SEC31A: variants seen among roughly 807,000 people sequenced by gnomAD.
SEC31A encodes SEC31 homolog A, COPII component, also known as protein transport protein Sec31A.
Under a neutral mutation model 151.0 loss-of-function variants are expected in SEC31A, and 70 were observed. That is an observed-to-expected ratio of 0.46 (90% CI 0.38 to 0.57). SEC31A has a LOEUF of 0.57. SEC31A is among the 20% of genes least tolerant of loss of function. SEC31A has a pLI of 0.00. For synonymous variants in SEC31A, 475 were observed against 505.9 expected, an observed-to-expected ratio of 0.94 and a Z score of 0.82; for missense variants, 1,330 against 1,471.2, an observed-to-expected ratio of 0.90 and a Z score of 1.57.
At chr4:82,832,438 C>T (rs1339178129) in intron 22 of SEC31A, among the ~76,000 whole-genome samples, 1 of 152,148 alleles carries the variant, frequency 6.6e-6, no homozygotes, top group Non-Finnish European at 1.5e-5. Context: ...AAATGTAAGA[C>T]CTAGGACCAT....
intron 5 of SEC31A, 76 bp from the exon 6 acceptor site, chr4:82,874,827 T>C: frequency 2.0e-6 from 3 of 1,527,236 alleles, no homozygotes; most frequent in East Asian, 4.6e-5. Context: ...ATTGGATCCT[T>C]CATTTTGAAA....
chr4:82,880,954 C>T (rs1275766974), intron 2 of SEC31A, 32 bp from the exon 3 acceptor site: 3 of 1,551,148 alleles, frequency 1.9e-6, no homozygotes, highest in East Asian at 2.3e-5. Flanking sequence ...TAACTATACA[C>T]ACAAAAATAA....
At chr4:82,857,174 T>C (rs775300861) in intron 15 of SEC31A, 44 bp from the exon 16 acceptor site, 1 of 1,557,480 alleles carries the variant, frequency 6.4e-7, no homozygotes, top group South Asian at 1.2e-5. Flanking sequence ...AGAGTTTTTG[T>C]TACCAAAACC....
chr4:82,821,703 G>A (rs1030950644), intron 25 of SEC31A, among the ~76,000 whole-genome samples: 2 of 152,050 alleles, frequency 1.3e-5, no homozygotes, highest in African/African-American at 4.8e-5. Context: ...CATATGAACT[G>A]CAAACTCACT....
chr4:82,874,953 C>G (rs531798771), intron 5 of SEC31A, among the ~76,000 whole-genome samples: 1 of 152,298 alleles, frequency 6.6e-6, no homozygotes, highest in Non-Finnish European at 1.5e-5. Flanking sequence ...CATACCACTT[C>G]AAGTGTATTA....
At chr4:82,843,678 T>TA (rs913315985) in intron 21 of SEC31A, 14 of 152,050 alleles carry the variant, frequency 9.2e-5, no homozygotes, top group African/African-American at 2.4e-4. Context: ...TTTTATTTTT[T>TA]TTTTTTGCAT....
intron 13 of SEC31A, among the ~76,000 whole-genome samples, chr4:82,862,195 G>A (rs535753540): frequency 1.3e-4 from 19 of 145,988 alleles, no homozygotes; most frequent in African/African-American, 4.8e-4. Flanking sequence ...TTACAGGCAT[G>A]AGCCAACACA....
At chr4:82,842,602 C>T (rs2149246525) in intron 21 of SEC31A, 121 bp from the exon 22 acceptor site, 1 of 789,762 alleles carries the variant, frequency 1.3e-6, no homozygotes, top group East Asian at 2.7e-5. Context: ...GTTACAATCC[C>T]AAATTAAAAA....
At chr4:82,857,319 C>T (rs937180769) in intron 15 of SEC31A, among the ~76,000 whole-genome samples, 189 bp from the exon 16 acceptor site, 2 of 149,314 alleles carry the variant, frequency 1.3e-5, no homozygotes, top group African/African-American at 4.9e-5. Context: ...CAGAAATATG[C>T]TGAGATAAAT....
chr4:82,891,731 A>G (rs1273017136), upstream of SEC31A, among the ~76,000 whole-genome samples: 2 of 2,750 alleles, frequency 7.3e-4, no homozygotes, highest in Non-Finnish European at 0.011. Context: ...TGTTATATTA[A>G]TTCCAATTAG....
chr4:82,820,422 A>G (rs1723081048), intron 26 of SEC31A, among the ~76,000 whole-genome samples: 1 of 152,218 alleles, frequency 6.6e-6, no homozygotes. Context: ...TGGAAAAAAT[A>G]AAAAGAAAGT....
chr4:82,849,681 T>C (rs1161109712), intron 19 of SEC31A, among the ~76,000 whole-genome samples: 1 of 150,914 alleles, frequency 6.6e-6, no homozygotes, highest in Non-Finnish European at 1.5e-5. Context: ...AAGGTGGTTA[T>C]TGAAGAAAAT....
Position 82,821,270 on chromosome 4 carries a change from C to T in SEC31A, c.3412-162G>A, listed in dbSNP as rs535846281. 81 of 602,582 alleles carry T rather than the reference C, an allele frequency of 1.3e-4. 1 individual carries two copies. Among genetic ancestry groups the T allele is most frequent in the Non-Finnish European group, 1.9e-4 (65 of 344,442 alleles). 37.3% of individuals were successfully genotyped at this position (602,582 alleles called of 1,614,324 possible). ...CTAAGAAACTTGAACAGATTATGGC[C>T]GGGCGTGGTGGCTCACGCCTGTAAT... On this transcript the variant is annotated intron_variant, in intron 25 of 26. Coordinates refer to ENST00000395310, the MANE Select transcript of SEC31A (RefSeq NM_001077207.4).
chr4:82,887,780 C>T (rs1044158764), intron 1 of SEC31A, among the ~76,000 whole-genome samples: 3 of 152,182 alleles, frequency 2.0e-5, no homozygotes, highest in East Asian at 1.9e-4. Flanking sequence ...TCTATTAGGC[C>T]GGGCGCGGTG....
rs1035497937 is a variant in SEC31A, at chr4:82,864,519, T to C, written c.1277A>G (p.His426Arg). ...QGAEQQQQQH[H>R]VFISQVVTEK... ...TGTTACAACCTGACTAATGAACACA[T>C]GGTGCTGCTGCTGCTGCTGCTCAGC... Residue 426 changes from histidine (H) to arginine (R), a missense_variant, in exon 11 of 27, where the codon CAT (histidine) becomes CGT (arginine). His to Arg is a conservative substitution (Grantham distance 29, BLOSUM62 0). Coordinates refer to ENST00000395310, the MANE Select transcript of SEC31A (RefSeq NM_001077207.4). The C allele has an allele frequency of 4.3e-6, 7 of 1,614,036 alleles. No homozygotes were observed. In the African/African-American group the frequency reaches 9.3e-5, roughly 22 times the overall value.
At chr4:82,873,914 G>A (rs554565733) in intron 6 of SEC31A, among the ~76,000 whole-genome samples, 1 of 152,244 alleles carries the variant, frequency 6.6e-6, no homozygotes, top group Admixed American at 6.5e-5. Context: ...GAAGAGATGA[G>A]GCCAAGAAGT....
chr4:82,851,338 A>T, intron 19 of SEC31A, 93 bp downstream of exon 19: 1 of 1,028,804 alleles, frequency 9.7e-7, no homozygotes, highest in African/African-American at 1.6e-5. Flanking sequence ...GCTCCAAAAC[A>T]TTCTACCTAC....
chr4:82,824,591 A>G lies in SEC31A; in HGVS notation c.3375T>C (p.Asp1125=), dbSNP rs1724121401. The G allele has an allele frequency of 6.2e-7, 1 of 1,613,916 alleles. No individual in the cohort carries two copies. The highest frequency in any genetic ancestry group is 1.3e-5 in the African/African-American group (1 of 74,918). The part of the protein sequence containing the change: ...EHLILKTTFE[D]LIQRCLSSAT... ...CTGAAGAAAGGCAGCGCTGAATAAGATCCTCAAATGTGGTCTTTAGAATGA... is the reference window on the plus strand; with the variant it reads ...CTGAAGAAAGGCAGCGCTGAATAAGGTCCTCAAATGTGGTCTTTAGAATGA... Residue 1125 remains aspartate, a synonymous_variant, in exon 25 of 27, where the codon GAT becomes GAC. Transcript: ENST00000395310.
At chr4:82,836,127 C>A (rs559497975) in intron 22 of SEC31A, among the ~76,000 whole-genome samples, 1 of 152,124 alleles carries the variant, frequency 6.6e-6, no homozygotes, top group Non-Finnish European at 1.5e-5. Context: ...GTAATCCCAG[C>A]ACTTTGGGAG....
Sources: gnomAD v4.1 joint callset for allele counts (sites outside exome capture counted in the v4.1 genomes callset) on GRCh38, gnomAD v4.1.1 for gene constraint, MANE v1.5 for transcripts, NCBI Gene and HGNC (gene_info 2026-07-23, HGNC 2026-07-21) for gene names.